The following XPO4 variants were observed in gnomAD, a reference collection of about 807,000 sequenced individuals.
XPO4 encodes the protein exportin-4.
In XPO4, 39 loss-of-function variants were observed where a neutral mutation model predicts 143.0. The observed-to-expected ratio is 0.27, with a 90% CI of 0.21 to 0.36. The LOEUF is 0.36. Among genes scored for constraint, XPO4 ranks in the 10% least tolerant of loss-of-function variants. The probability of loss-of-function intolerance (pLI) is 1.00; values close to 1 mark genes in which losing one functional copy is unlikely to be tolerated. For synonymous variants in XPO4, 439 were observed against 474.0 expected (o/e 0.93, Z 0.96); for missense variants, 907 against 1,348.0 (o/e 0.67, Z 5.12).
chr13:20,798,058 C>T (rs1281157685), intron 16 of XPO4, among the ~76,000 whole-genome samples: 2 of 152,020 alleles, frequency 1.3e-5, no homozygotes, highest in African/African-American at 4.8e-5. Context: ...ACAGGAGAGT[C>T]GCTTGACCCA....
rs947381765 is a variant in XPO4, at chr13:20,781,306, CAA to C, written c.*2414_*2415del. 17 of 152,500 alleles carry C rather than the reference CAA, an allele frequency of 1.1e-4. No individual in the cohort carries two copies. The highest frequency in any genetic ancestry group is 3.6e-4 in the African/African-American group (15 of 41,402). The allele number at this position is 152,500 out of a possible 1,614,324, so 9.4% of individuals were successfully genotyped here. ...GGACAAAATAAAACAAAAGAAAACA[CAA>C]AGTGAATAAGCATCCAATCAGGCAA... On this transcript the variant is annotated 3_prime_UTR_variant, in exon 23 of 23. Coordinates refer to ENST00000255305, the MANE Select transcript of XPO4 (RefSeq NM_022459.5).
chr13:20,783,307 C>T lies in XPO4; in HGVS notation c.*415G>A, dbSNP rs568054958. ...TCACCAGCTCCTCAAGTGATGCAGGCGATCTATGGAGATTTTGAGAAACAC... is the reference window on the plus strand; with the variant it reads ...TCACCAGCTCCTCAAGTGATGCAGGTGATCTATGGAGATTTTGAGAAACAC... On this transcript the variant is annotated 3_prime_UTR_variant, in exon 23 of 23. Coordinates refer to ENST00000255305, the MANE Select transcript of XPO4 (RefSeq NM_022459.5). 1.4e-4 allele frequency: 25 copies of T among 182,498 alleles called. No individual in the cohort carries two copies. Among genetic ancestry groups the T allele is most frequent in the African/African-American group, 4.8e-4 (20 of 41,836 alleles). The allele number at this position is 182,498 out of a possible 1,614,324, so 11.3% of individuals were successfully genotyped here.
At chr13:20,885,045 C>A (rs1039353000) in intron 1 of XPO4, among the ~76,000 whole-genome samples, 1 of 152,010 alleles carries the variant, frequency 6.6e-6, no homozygotes, top group African/African-American at 2.4e-5. Flanking sequence ...CTCACTGCAA[C>A]CTCCACCTCC....
At chr13:20,866,542 C>T (rs1223980405) in intron 2 of XPO4, among the ~76,000 whole-genome samples, 2 of 152,172 alleles carry the variant, frequency 1.3e-5, no homozygotes, top group Non-Finnish European at 2.9e-5. Context: ...CCCTTCTGTG[C>T]TGGTGGCAAC....
intron 13 of XPO4, among the ~76,000 whole-genome samples, chr13:20,804,633 C>T (rs1024766773): frequency 1.3e-5 from 2 of 152,180 alleles, no homozygotes; most frequent in African/African-American, 4.8e-5. Context: ...TGAAATACAA[C>T]TCATAAAAAC....
intron 3 of XPO4, among the ~76,000 whole-genome samples, chr13:20,860,689 A>C (rs2138116625): frequency 6.6e-6 from 1 of 152,360 alleles, no homozygotes; most frequent in Admixed American, 6.5e-5. Context: ...CAAAAGAGCA[A>C]ACTAGTATCA....
At chr13:20,849,963 G>C in intron 4 of XPO4, 1 of 558,912 alleles carries the variant, frequency 1.8e-6, no homozygotes, top group Non-Finnish European at 2.3e-6. Context: ...AAAATTAGCC[G>C]GGCATAGTGG....
intron 18 of XPO4, among the ~76,000 whole-genome samples, chr13:20,793,292 C>G (rs2059310687): frequency 6.6e-6 from 1 of 152,046 alleles, no homozygotes; most frequent in Non-Finnish European, 1.5e-5. Flanking sequence ...AATTTCAACC[C>G]TACATACTCG....
chr13:20,789,280 G>A lies in XPO4; in HGVS notation c.2917-664C>T, dbSNP rs570278047. Among the ~76,000 whole-genome samples the A allele has an allele frequency of 1.9e-3, 294 of 152,200 alleles. 2 individuals carry two copies. Among genetic ancestry groups the A allele is most frequent in the African/African-American group, 6.8e-3 (284 of 41,506 alleles). On this transcript the variant is annotated intron_variant, in intron 19 of 22. Transcript: ENST00000255305. Reference sequence around the variant, plus strand: ...TGGGTCATCAACATTGTTTCCAATAGTTAGAGACGCTCTCAAGGAGGGGGA... The same window carrying A: ...TGGGTCATCAACATTGTTTCCAATAATTAGAGACGCTCTCAAGGAGGGGGA...
At chr13:20,899,062 T>C (rs1299500546) in intron 1 of XPO4, among the ~76,000 whole-genome samples, 1 of 152,056 alleles carries the variant, frequency 6.6e-6, no homozygotes, top group Non-Finnish European at 1.5e-5. Flanking sequence ...ATCATGCCAC[T>C]ACACTCCAGC....
intron 4 of XPO4, among the ~76,000 whole-genome samples, chr13:20,846,239 C>G (rs2060027760): frequency 6.6e-6 from 1 of 152,198 alleles, no homozygotes; most frequent in African/African-American, 2.4e-5. Context: ...AGGAACATCT[C>G]TCTAATTAAT....
intron 18 of XPO4, among the ~76,000 whole-genome samples, chr13:20,791,341 A>T (rs1317310250): frequency 1.3e-5 from 2 of 152,206 alleles, no homozygotes; most frequent in Non-Finnish European, 2.9e-5. Context: ...TAACCTCAAA[A>T]GCAATATATT....
At chr13:20,856,953 T>C (rs1413811039) in intron 3 of XPO4, 1 of 938,770 alleles carries the variant, frequency 1.1e-6, no homozygotes, top group African/African-American at 1.8e-5. Flanking sequence ...CCACCCACTC[T>C]ATGCACACTA....
intron 13 of XPO4, among the ~76,000 whole-genome samples, chr13:20,806,983 C>T (rs1382922415): frequency 1.3e-5 from 2 of 152,102 alleles, no homozygotes; most frequent in Non-Finnish European, 2.9e-5. Context: ...TAACAGGGCT[C>T]TTAAGTTTCA....
intron 6 of XPO4, 138 bp downstream of exon 6, chr13:20,842,752 GAAATT>G: frequency 2.6e-6 from 2 of 757,212 alleles, no homozygotes; most frequent in East Asian, 5.6e-5. Flanking sequence ...GCATTATAAA[GAAATT>G]AAATTCTATT....
chr13:20,794,563 C>G (rs2059331102), intron 18 of XPO4, among the ~76,000 whole-genome samples: 1 of 152,070 alleles, frequency 6.6e-6, no homozygotes, highest in Non-Finnish European at 1.5e-5. Context: ...CCAACTAATA[C>G]TGTATTAGTA....
intron 13 of XPO4, among the ~76,000 whole-genome samples, chr13:20,805,720 TAA>T (rs1184778564): frequency 6.6e-6 from 1 of 152,196 alleles, no homozygotes; most frequent in Non-Finnish European, 1.5e-5. Flanking sequence ...CTCTCCTTTA[TAA>T]AGAGTTCTAA....
chr13:20,809,944 G>A lies in XPO4; in HGVS notation c.1197C>T (p.Tyr399=). The change falls in exon 10 of 23, where the codon TAC becomes TAT. Residue 399 remains tyrosine, a synonymous_variant. Coordinates refer to ENST00000255305, the MANE Select transcript of XPO4 (RefSeq NM_022459.5). The part of the protein sequence containing the change: ...EEVLDKDDMV[Y]MEAYDKLLES... ...CCAACAATTTATCATATGCTTCCAT[G>A]TATACCATGTCATCTTTATCAAGCT... is the stretch of plus-strand genomic sequence containing the variant. The A allele has an allele frequency of 6.2e-7, 1 of 1,610,180 alleles. No individual in the cohort carries two copies. The highest frequency in any genetic ancestry group is 8.5e-7 in the Non-Finnish European group (1 of 1,178,656).
Position 20,808,557 on chromosome 13 carries a change from T to C in XPO4, c.1518A>G (p.Arg506=). The C allele has an allele frequency of 6.5e-7, 1 of 1,536,320 alleles. No individual in the cohort carries two copies. The highest frequency in any genetic ancestry group is 8.9e-7 in the Non-Finnish European group (1 of 1,126,646). Residue 506 remains arginine, a synonymous_variant, in exon 12 of 23, where the codon AGA becomes AGG. Transcript: ENST00000255305. ...GATGTCGTTGTAACTGACCATGGAGTCTTGTTACTCTTTCTTCTAATAAAC... is the reference window on the plus strand; with the variant it reads ...GATGTCGTTGTAACTGACCATGGAGCCTTGTTACTCTTTCTTCTAATAAAC... The part of the protein sequence containing the change: ...LTSLLEERVT[R]LHGQLQRHQQ...
Sources: gnomAD v4.1 joint callset for allele counts (sites outside exome capture counted in the v4.1 genomes callset) on GRCh38, gnomAD v4.1.1 for gene constraint, MANE v1.5 for transcripts, NCBI Gene and HGNC (gene_info 2026-07-23, HGNC 2026-07-21) for gene names.